PARD3: variants seen among roughly 807,000 people sequenced by gnomAD.
PARD3 encodes the protein par-3 family cell polarity regulator, also known as partitioning defective 3 homolog.
Under a neutral mutation model 155.4 loss-of-function variants are expected in PARD3, and 75 were observed. That is an observed-to-expected ratio of 0.48 (90% CI 0.40 to 0.58). The LOEUF is 0.58. Among genes scored for constraint, PARD3 ranks in the 20% least tolerant of loss-of-function variants. The probability of loss-of-function intolerance (pLI) is 0.00; values close to 1 mark genes in which losing one functional copy is unlikely to be tolerated. For synonymous variants in PARD3, 576 were observed against 610.5 expected, an observed-to-expected ratio of 0.94 and a Z score of 0.83; for missense variants, 1,642 against 1,721.7, an observed-to-expected ratio of 0.95 and a Z score of 0.82.
At chr10:34,726,753 AC>A (rs1202568300) in intron 1 of PARD3, among the ~76,000 whole-genome samples, 2 of 150,110 alleles carry the variant, frequency 1.3e-5, no homozygotes, top group Non-Finnish European at 1.5e-5. Context: ...GCAAGAGTGA[AC>A]TCCATCTCCA....
chr10:34,477,233 A>G (rs2078773630), intron 3 of PARD3, among the ~76,000 whole-genome samples: 1 of 152,200 alleles, frequency 6.6e-6, no homozygotes, highest in African/African-American at 2.4e-5. Context: ...AATTTTAGCA[A>G]AACTGATGCA....
intron 7 of PARD3, among the ~76,000 whole-genome samples, chr10:34,388,766 TAAG>T (rs1288785549): frequency 1.3e-5 from 2 of 152,264 alleles, no homozygotes; most frequent in East Asian, 3.9e-4. Flanking sequence ...TGTTCCATCC[TAAG>T]AAGAAACCAC....
At chr10:34,631,211 G>A (rs180922438) in intron 2 of PARD3, among the ~76,000 whole-genome samples, 10 of 152,218 alleles carry the variant, frequency 6.6e-5, no homozygotes, top group Admixed American at 3.9e-4. Flanking sequence ...CTTTCGGGGT[G>A]TACCCACTCA....
intron 20 of PARD3, among the ~76,000 whole-genome samples, chr10:34,306,306 T>G (rs965650587): frequency 6.0e-5 from 9 of 151,014 alleles, no homozygotes; most frequent in African/African-American, 2.2e-4. Flanking sequence ...ATTAATGTTT[T>G]TTAATTTACA....
intron 20 of PARD3, among the ~76,000 whole-genome samples, chr10:34,287,900 G>A (rs978663013): frequency 6.6e-6 from 1 of 152,066 alleles, no homozygotes; most frequent in East Asian, 1.9e-4. Flanking sequence ...CTGTTATAAC[G>A]CACTTTCCTT....
Position 34,482,827 on chromosome 10 carries a change from GTAAGAGTGAGCTAT to G in PARD3, c.404-12578_404-12565del, listed in dbSNP as rs1466193397. 2.0e-5 allele frequency among the ~76,000 whole-genome samples: 3 copies of G among 151,932 alleles called. No homozygotes were observed. In the South Asian group the frequency reaches 6.2e-4, roughly 32 times the overall value. ...GGAGGATAGAGGGGCATGTGAACAG[GTAAGAGTGAGCTAT>G]TTTCCTTAAAATTAAAAAAAAAAAA... On this transcript the variant is annotated intron_variant, in intron 3 of 24. Coordinates refer to ENST00000374788, the MANE Select transcript of PARD3 (RefSeq NM_001184785.2).
intron 1 of PARD3, among the ~76,000 whole-genome samples, chr10:34,810,644 C>T (rs758376790): frequency 1.3e-5 from 2 of 152,104 alleles, no homozygotes; most frequent in Non-Finnish European, 2.9e-5. Context: ...TTACATGCTG[C>T]GTTTTTAAGT....
intron 22 of PARD3, among the ~76,000 whole-genome samples, chr10:34,135,559 T>C (rs535468534): frequency 1.3e-5 from 2 of 152,284 alleles, no homozygotes; most frequent in South Asian, 2.1e-4. Flanking sequence ...CATCTTCAAA[T>C]TGGATACTAC....
chr10:34,210,553 G>A (rs1466332276), intron 22 of PARD3, among the ~76,000 whole-genome samples: 1 of 152,086 alleles, frequency 6.6e-6, no homozygotes, highest in Non-Finnish European at 1.5e-5. Context: ...AGATACATCC[G>A]GCGGTACAAA....
intron 2 of PARD3, among the ~76,000 whole-genome samples, chr10:34,661,550 G>A (rs1262947106): frequency 4.6e-5 from 7 of 152,114 alleles, no homozygotes; most frequent in African/African-American, 1.4e-4. Flanking sequence ...TATTTTCTAC[G>A]GAGGTTAGAA....
At chr10:34,746,845 G>C (rs1835392543) in intron 1 of PARD3, among the ~76,000 whole-genome samples, 1 of 152,052 alleles carries the variant, frequency 6.6e-6, no homozygotes, top group African/African-American at 2.4e-5. Flanking sequence ...TTACTAAAAG[G>C]GAGCCGTGTC....
At chr10:34,381,011 T>C (rs1002418445) in intron 9 of PARD3, among the ~76,000 whole-genome samples, 19 of 152,222 alleles carry the variant, frequency 1.2e-4, no homozygotes, top group Admixed American at 1.2e-3. Context: ...TCTGTTGATA[T>C]GACTCTGTGT....
At chr10:34,560,044 A>T (rs2085337698) in intron 2 of PARD3, among the ~76,000 whole-genome samples, 1 of 152,238 alleles carries the variant, frequency 6.6e-6, no homozygotes, top group African/African-American at 2.4e-5. Flanking sequence ...TATCTGCATC[A>T]TAAAAACCAA....
intron 3 of PARD3, among the ~76,000 whole-genome samples, chr10:34,482,412 C>A (rs2079142016): frequency 6.6e-6 from 1 of 152,060 alleles, no homozygotes; most frequent in African/African-American, 2.4e-5. Context: ...CTCAAGCAGT[C>A]CTGCTGTCTC....
chr10:34,352,994 G>A lies in PARD3; in HGVS notation c.2068-4879C>T, dbSNP rs528943085. Among the ~76,000 whole-genome samples, 24 of 128,952 alleles carry A rather than the reference G, an allele frequency of 1.9e-4. No individual in the cohort carries two copies. In the South Asian group the frequency reaches 3.5e-3, roughly 19 times the overall value. 84.6% of individuals were successfully genotyped at this position (128,952 alleles called of 152,430 possible). ...ATGTGAGGAGTGTCTCTGCCGGACC[G>A]CCACCCCGTCTGGGAGGTGAGGAGC... On this transcript the variant is annotated intron_variant, in intron 14 of 24. Transcript: ENST00000374788.
chr10:34,562,463 T>C (rs1180903396), intron 2 of PARD3, among the ~76,000 whole-genome samples: 2 of 151,726 alleles, frequency 1.3e-5, no homozygotes, highest in East Asian at 1.9e-4. Context: ...ACAAAAAAAC[T>C]GTCAGCTCCC....
At chr10:34,170,981 C>T (rs772068500) in intron 22 of PARD3, among the ~76,000 whole-genome samples, 4 of 152,122 alleles carry the variant, frequency 2.6e-5, no homozygotes, top group African/African-American at 9.7e-5. Context: ...CAAGCCAGGT[C>T]GTCTTATCTA....
chr10:34,612,061 C>A (rs931267231), intron 2 of PARD3, among the ~76,000 whole-genome samples: 2 of 151,750 alleles, frequency 1.3e-5, no homozygotes, highest in South Asian at 4.2e-4. Flanking sequence ...CCCCTCACCT[C>A]GTGATCCGCC....
chr10:34,545,435 T>C (rs2083963889), intron 2 of PARD3, among the ~76,000 whole-genome samples: 2 of 152,302 alleles, frequency 1.3e-5, no homozygotes, highest in South Asian at 2.1e-4. Context: ...CATTTGGACA[T>C]GGTATCAGTA....
Sources: allele counts gnomAD v4.1 joint callset (sites outside exome capture counted in the v4.1 genomes callset), GRCh38; gene constraint gnomAD v4.1.1; transcripts MANE v1.5; gene names NCBI Gene and HGNC (gene_info 2026-07-23, HGNC 2026-07-21).